The following FMN1 variants were observed in gnomAD, a reference collection of about 807,000 sequenced individuals.
The protein encoded by FMN1 is formin-1.
In FMN1, 110 loss-of-function variants were observed where a neutral mutation model predicts 132.4. The observed-to-expected ratio is 0.83, with a 90% CI of 0.71 to 0.97. FMN1 has a LOEUF of 0.97. FMN1 is among the 50% of genes least tolerant of loss of function. The probability of loss-of-function intolerance (pLI) is 0.00; values close to 1 mark genes in which losing one functional copy is unlikely to be tolerated. For synonymous variants in FMN1, 722 were observed against 651.7 expected (o/e 1.11, Z -1.64); for missense variants, 1,792 against 1,705.3 (o/e 1.05, Z -0.90).
At chr15:33,042,694 C>G (rs974477106) in intron 6 of FMN1, among the ~76,000 whole-genome samples, 1 of 151,826 alleles carries the variant, frequency 6.6e-6, no homozygotes, top group Non-Finnish European at 1.5e-5. Context: ...TTGGGAAAAA[C>G]AAAACTGATA....
At chr15:33,099,303 C>CT (rs1267092332) in intron 4 of FMN1, among the ~76,000 whole-genome samples, 4 of 152,126 alleles carry the variant, frequency 2.6e-5, no homozygotes, top group Non-Finnish European at 5.9e-5. Flanking sequence ...ATAAGTCAAT[C>CT]TATCAATAAA....
chr15:32,828,056 G>T (rs2058413261), intron 17 of FMN1, among the ~76,000 whole-genome samples: 1 of 152,202 alleles, frequency 6.6e-6, no homozygotes, highest in South Asian at 2.1e-4. Context: ...ACTTTGGAAG[G>T]CCAAGGCAGG....
At chr15:33,151,478 G>GTT in intron 4 of FMN1, 1 of 1,224,582 alleles carries the variant, frequency 8.2e-7, no homozygotes, top group African/African-American at 1.5e-5. Flanking sequence ...CTCACGGTCA[G>GTT]TCTCCAACAG....
intron 7 of FMN1, among the ~76,000 whole-genome samples, chr15:32,998,119 G>C (rs2033886156): frequency 6.6e-6 from 1 of 152,130 alleles, no homozygotes; most frequent in African/African-American, 2.4e-5. Context: ...TGCTTTATTT[G>C]AAAATTATTC....
At chr15:32,952,174 T>C (rs2061668801) in intron 9 of FMN1, among the ~76,000 whole-genome samples, 1 of 152,084 alleles carries the variant, frequency 6.6e-6, no homozygotes, top group Admixed American at 6.6e-5. Flanking sequence ...ACCCCAAGAG[T>C]ATATGTATAT....
At chr15:32,813,942 G>A (rs373780560) in intron 17 of FMN1, among the ~76,000 whole-genome samples, 4 of 152,132 alleles carry the variant, frequency 2.6e-5, no homozygotes, top group Non-Finnish European at 5.9e-5. Context: ...CCCAAACACC[G>A]AGGTGGTATT....
At chr15:33,167,862 C>CAGT (rs2140313908) in intron 3 of FMN1, among the ~76,000 whole-genome samples, 1 of 152,240 alleles carries the variant, frequency 6.6e-6, no homozygotes, top group South Asian at 2.1e-4. Flanking sequence ...TCTTCACATT[C>CAGT]AGTAGGCTGA....
At chr15:32,859,700 A>G (rs1253955726) in intron 16 of FMN1, among the ~76,000 whole-genome samples, 1 of 152,210 alleles carries the variant, frequency 6.6e-6, no homozygotes, top group Admixed American at 6.5e-5. Flanking sequence ...ACTTCTCCCC[A>G]AACTTCTCTA....
chr15:32,883,509 CAAAAAAAAA>C (rs60737133), intron 16 of FMN1, among the ~76,000 whole-genome samples: 38 of 25,918 alleles, frequency 1.5e-3, no homozygotes, highest in East Asian at 3.5e-3. Flanking sequence ...GAACCTATCT[CAAAAAAAAA>C]AAAAAAAAAA....
At chr15:32,986,268 T>TA (rs2033062960) in intron 7 of FMN1, among the ~76,000 whole-genome samples, 1 of 152,158 alleles carries the variant, frequency 6.6e-6, no homozygotes, top group Non-Finnish European at 1.5e-5. Flanking sequence ...GTACAAATGA[T>TA]AAAGTGTATC....
chr15:33,066,790 C>A (rs760503752), intron 5 of FMN1: 4 of 1,613,824 alleles, frequency 2.5e-6, no homozygotes, highest in Non-Finnish European at 3.4e-6. Flanking sequence ...CTCTCCTGGG[C>A]GACTCAGGGT....
chr15:32,862,630 A>C (rs2059297103), intron 16 of FMN1, among the ~76,000 whole-genome samples: 1 of 152,262 alleles, frequency 6.6e-6, no homozygotes. Flanking sequence ...AAGCTTATTA[A>C]GCCACTTAAA....
chr15:33,070,167 G>A (rs1014753771), intron 5 of FMN1, among the ~76,000 whole-genome samples: 3 of 151,356 alleles, frequency 2.0e-5, no homozygotes, highest in Admixed American at 6.6e-5. Context: ...TAGCACACCC[G>A]GCTAATTTTG....
intron 6 of FMN1, among the ~76,000 whole-genome samples, chr15:33,036,509 T>C (rs1384498213): frequency 1.3e-5 from 2 of 152,204 alleles, no homozygotes; most frequent in Non-Finnish European, 2.9e-5. Context: ...TGAAAGAAAT[T>C]AGCATGGCTC....
intron 19 of FMN1, among the ~76,000 whole-genome samples, chr15:32,793,260 T>G (rs528204117): frequency 6.6e-6 from 1 of 152,296 alleles, no homozygotes; most frequent in Non-Finnish European, 1.5e-5. Flanking sequence ...AAGCAGTTTT[T>G]ATTATTTGTG....
At chr15:32,951,015 T>A (rs1194736294) in intron 9 of FMN1, among the ~76,000 whole-genome samples, 1 of 152,200 alleles carries the variant, frequency 6.6e-6, no homozygotes, top group East Asian at 1.9e-4. Flanking sequence ...CTTGACTTTT[T>A]AAATTCTATT....
In FMN1 at chr15:32,885,805, A is replaced by AG. The variant is rs1316549795; in HGVS notation, c.3835+2366_3835+2367insC. 3.0e-4 allele frequency among the ~76,000 whole-genome samples: 43 copies of AG among 144,298 alleles called. No individual in the cohort carries two copies. The Middle Eastern group carries it at 0.014, about 47-fold the overall frequency. The allele number at this position is 144,298 out of a possible 152,430, so 94.7% of individuals were successfully genotyped here. A position where few individuals can be genotyped will look rare whatever the true frequency, so the allele number is the denominator to read the frequency against. On this transcript the variant is annotated intron_variant, in intron 16 of 20. Coordinates refer to ENST00000616417, the MANE Select transcript of FMN1 (RefSeq NM_001277313.2). ...CATTAGGTTAAGGTGTGTTAATACT[A>AG]TTTTTTTTTTTTTTTAAAAGACTCT...
intron 4 of FMN1, among the ~76,000 whole-genome samples, chr15:33,116,369 G>A (rs902394554): frequency 1.3e-5 from 2 of 152,138 alleles, no homozygotes; most frequent in South Asian, 2.1e-4. Context: ...ATCCGAGGCA[G>A]CCAACTGTTC....
chr15:32,892,017 C>T (rs558416061), intron 15 of FMN1, among the ~76,000 whole-genome samples: 18 of 150,992 alleles, frequency 1.2e-4, no homozygotes, highest in African/African-American at 4.5e-4. Context: ...ACAGTTTGAA[C>T]TCCTCTTTAC....
Sources: allele counts gnomAD v4.1 joint callset (sites outside exome capture counted in the v4.1 genomes callset), GRCh38; gene constraint gnomAD v4.1.1; transcripts MANE v1.5; gene names NCBI Gene and HGNC (gene_info 2026-07-23, HGNC 2026-07-21).